CCDC171: variants seen among roughly 807,000 people sequenced by gnomAD.
The protein encoded by CCDC171 is coiled-coil domain containing 171.
CCDC171 carries 177 observed loss-of-function variants against 168.2 expected under a neutral mutation model. That is an observed-to-expected ratio of 1.05 (90% CI 0.93 to 1.19). The LOEUF is 1.19. Ranked by LOEUF, CCDC171 falls within the 50% of genes most tolerant of loss-of-function variation. The pLI, the probability that CCDC171 is intolerant of heterozygous loss-of-function variation, is 0.00. For synonymous variants in CCDC171, 687 were observed against 540.8 expected, an observed-to-expected ratio of 1.27 and a Z score of -3.75; for missense variants, 1,991 against 1,539.0, an observed-to-expected ratio of 1.29 and a Z score of -4.91.
chr9:15,784,808 C>G, intron 21 of CCDC171, 114 bp downstream of exon 21: 2 of 758,998 alleles, frequency 2.6e-6, no homozygotes, highest in Non-Finnish European at 4.1e-6. Flanking sequence ...AAATTTTATT[C>G]TATGAGGATA....
At chr9:15,777,522 C>T in intron 18 of CCDC171, 78 bp from the exon 19 acceptor site, 2 of 732,044 alleles carry the variant, frequency 2.7e-6, no homozygotes, top group Non-Finnish European at 4.4e-6. Context: ...AAAATATTTT[C>T]ATTATGTGAT....
At chr9:15,896,299 A>G (rs562879224) in intron 24 of CCDC171, among the ~76,000 whole-genome samples, 1 of 152,042 alleles carries the variant, frequency 6.6e-6, no homozygotes, top group South Asian at 2.1e-4. Flanking sequence ...TCTAAACAAG[A>G]TACAAAGAAA....
chr9:15,579,533 C>G lies in CCDC171; in HGVS notation c.352+510C>G, dbSNP rs192575900. ...AGCTATGTGTTATGTAGCCCTTGGACTTAAATAAAGCCTTTCTATTTACAT... is the reference window on the plus strand; with the variant it reads ...AGCTATGTGTTATGTAGCCCTTGGAGTTAAATAAAGCCTTTCTATTTACAT... On this transcript the variant is annotated intron_variant, in intron 4 of 25. Transcript: ENST00000380701. Among the ~76,000 whole-genome samples, 154 of 152,244 alleles carry G rather than the reference C, an allele frequency of 1.0e-3. 1 individual carries two copies. Among genetic ancestry groups the G allele is most frequent in the African/African-American group, 3.6e-3 (148 of 41,556 alleles).
At chr9:15,664,597 A>G (rs2048586705) in intron 8 of CCDC171, among the ~76,000 whole-genome samples, 1 of 20,386 alleles carries the variant, frequency 4.9e-5, no homozygotes, top group African/African-American at 1.6e-4. Flanking sequence ...CACTCACACG[A>G]GTTGTTTTGT....
At chr9:15,651,044 C>G (rs1197549387) in intron 7 of CCDC171, among the ~76,000 whole-genome samples, 3 of 152,052 alleles carry the variant, frequency 2.0e-5, no homozygotes, top group Admixed American at 2.0e-4. Flanking sequence ...TGATAACTAT[C>G]CTAACTGTCA....
chr9:15,561,491 C>T (rs922085625), intron 1 of CCDC171, among the ~76,000 whole-genome samples: 2 of 152,272 alleles, frequency 1.3e-5, no homozygotes, highest in Admixed American at 6.5e-5. Context: ...AGGGAAGTTC[C>T]AAGTAAAGCT....
At chr9:15,880,269 G>T (rs1818439020) in intron 24 of CCDC171, among the ~76,000 whole-genome samples, 1 of 152,108 alleles carries the variant, frequency 6.6e-6, no homozygotes, top group Non-Finnish European at 1.5e-5. Flanking sequence ...AAAGATTTTG[G>T]ATTATCCAAA....
At chr9:15,940,289 G>C (rs1316111690) in intron 25 of CCDC171, among the ~76,000 whole-genome samples, 1 of 151,872 alleles carries the variant, frequency 6.6e-6, no homozygotes, top group Non-Finnish European at 1.5e-5. Context: ...CCCACCCATA[G>C]TATTTGATCT....
the CCDC171 span, among the ~76,000 whole-genome samples, chr9:16,074,691 C>G: frequency 6.6e-6 from 1 of 151,996 alleles, no homozygotes; most frequent in South Asian, 2.1e-4. Flanking sequence ...AAAGAGGTGG[C>G]AGAAGATATT....
At chr9:15,612,748 T>A (rs2043792947) in intron 6 of CCDC171, among the ~76,000 whole-genome samples, 1 of 152,236 alleles carries the variant, frequency 6.6e-6, no homozygotes, top group African/African-American at 2.4e-5. Context: ...TTGCATAGTT[T>A]CCATGCCATT....
intron 16 of CCDC171, among the ~76,000 whole-genome samples, chr9:15,739,818 A>G (rs975362355): frequency 6.6e-6 from 1 of 151,734 alleles, no homozygotes; most frequent in Non-Finnish European, 1.5e-5. Flanking sequence ...GCTCACTGCA[A>G]CCTCTGCCTT....
chr9:15,745,022 C>G (rs1024085559), intron 17 of CCDC171, among the ~76,000 whole-genome samples: 1 of 152,046 alleles, frequency 6.6e-6, no homozygotes, highest in Non-Finnish European at 1.5e-5. Flanking sequence ...TCAACTTTGT[C>G]TTGTTTTAGA....
intron 2 of CCDC171, 100 bp from the exon 3 acceptor site, chr9:15,571,524 C>G (rs2040220188): frequency 1.0e-6 from 1 of 963,034 alleles, no homozygotes; most frequent in Non-Finnish European, 1.5e-6. Context: ...ATGTCATGTT[C>G]TCTTTGTTTT....
intron 24 of CCDC171, among the ~76,000 whole-genome samples, chr9:15,881,980 T>C (rs949677945): frequency 5.9e-5 from 9 of 152,312 alleles, no homozygotes; most frequent in Admixed American, 5.2e-4. Flanking sequence ...TACTGGATCA[T>C]GTGGTAGTTC....
chr9:16,069,126 A>G, the CCDC171 span, among the ~76,000 whole-genome samples: 1 of 152,196 alleles, frequency 6.6e-6, no homozygotes, highest in Non-Finnish European at 1.5e-5. Context: ...CTTGGTATAC[A>G]CTTTTATTAC....
At chr9:15,855,781 C>G (rs2061327421) in intron 23 of CCDC171, among the ~76,000 whole-genome samples, 1 of 151,732 alleles carries the variant, frequency 6.6e-6, no homozygotes, top group South Asian at 2.1e-4. Flanking sequence ...TGAATTAATG[C>G]CAACGTAGTG....
the CCDC171 span, among the ~76,000 whole-genome samples, chr9:16,068,160 A>G: frequency 6.8e-6 from 1 of 146,196 alleles, no homozygotes; most frequent in Non-Finnish European, 1.5e-5. Flanking sequence ...TTATACACCA[A>G]CAACAGACAA....
At position 15,744,578 on chromosome 9, in the gene CCDC171, G is replaced by A; in HGVS notation, c.2355G>A (p.Glu785=). 1.2e-6 allele frequency: 2 copies of A among 1,614,194 alleles called. No individual in the cohort carries two copies. Among genetic ancestry groups the A allele is most frequent in the Non-Finnish European group, 1.7e-6 (2 of 1,180,026 alleles). The change falls in exon 17 of 26, where the codon GAG becomes GAA. Residue 785 remains glutamate, a synonymous_variant. Transcript: ENST00000380701. ...CAACTGTAGAGGAAAAGAAGCAAGA[G>A]GAAGCCAAGATGAAAAAGAAAACAT... ...ALSTVEEKKQ[E]EAKMKKKTFK... is the part of the protein sequence containing the mutation.
chr9:15,677,174 C>G (rs2049641690), intron 9 of CCDC171, among the ~76,000 whole-genome samples: 3 of 152,054 alleles, frequency 2.0e-5, no homozygotes, highest in Non-Finnish European at 4.4e-5. Flanking sequence ...TTTCTCTGGA[C>G]TCCTTTATAT....
Sources: allele counts gnomAD v4.1 joint callset (sites outside exome capture counted in the v4.1 genomes callset), GRCh38; gene constraint gnomAD v4.1.1; transcripts MANE v1.5; gene names NCBI Gene and HGNC (gene_info 2026-07-23, HGNC 2026-07-21).